LRMDA: variants seen among roughly 807,000 people sequenced by gnomAD.
LRMDA encodes the protein leucine rich melanocyte differentiation associated.
LRMDA carries 18 observed loss-of-function variants against 29.8 expected under a neutral mutation model. The ratio of observed to expected loss-of-function variants is 0.60; its 90% CI spans 0.42 to 0.90. The LOEUF (loss-of-function observed/expected upper bound fraction) is 0.90. LRMDA is among the 40% of genes least tolerant of loss of function. The pLI, the probability that LRMDA is intolerant of heterozygous loss-of-function variation, is 0.00. For missense variants in LRMDA, 273 were observed against 273.9 expected, an observed-to-expected ratio of 1.00 and a Z score of 0.02; for synonymous variants, 125 against 109.4, an observed-to-expected ratio of 1.14 and a Z score of -0.89.
intron 5 of LRMDA, among the ~76,000 whole-genome samples, chr10:76,149,552 C>T (rs78386245): frequency 0.016 from 2,451 of 152,242 alleles, 40 homozygotes; most frequent in Non-Finnish European, 0.025. Flanking sequence ...CCTCCATTTT[C>T]TCAGGTGATA....
chr10:75,472,325 G>A (rs1250241470), intron 2 of LRMDA, among the ~76,000 whole-genome samples: 1 of 152,104 alleles, frequency 6.6e-6, no homozygotes, highest in Non-Finnish European at 1.5e-5. Flanking sequence ...CCATTTATGC[G>A]CCCATTATGT....
intron 2 of LRMDA, among the ~76,000 whole-genome samples, chr10:75,569,007 G>T (rs748006152): frequency 1.3e-5 from 2 of 152,126 alleles, no homozygotes; most frequent in Non-Finnish European, 2.9e-5. Flanking sequence ...TGTGGGAAGG[G>T]TGCTGGGCTC....
At chr10:76,378,858 C>CTTTTTTTTTCTTT (rs1554817037) in intron 6 of LRMDA, among the ~76,000 whole-genome samples, 1 of 118,966 alleles carries the variant, frequency 8.4e-6, no homozygotes, top group African/African-American at 3.3e-5. Flanking sequence ...CTTTTTTTTT[C>CTTTTTTTTTCTTT]TTTTTTTTTT....
At chr10:75,598,500 G>C (rs1381033412) in intron 2 of LRMDA, among the ~76,000 whole-genome samples, 1 of 151,778 alleles carries the variant, frequency 6.6e-6, no homozygotes, top group African/African-American at 2.4e-5. Context: ...TTTTCTGAGA[G>C]AGCTGTCCAT....
chr10:75,861,969 T>TC (rs1844937806), intron 2 of LRMDA, among the ~76,000 whole-genome samples: 2 of 152,020 alleles, frequency 1.3e-5, no homozygotes, highest in African/African-American at 4.8e-5. Flanking sequence ...CCTCCAGCTA[T>TC]CCCCCCCAAG....
intron 6 of LRMDA, among the ~76,000 whole-genome samples, chr10:76,375,435 T>A (rs1841504885): frequency 6.6e-6 from 1 of 152,206 alleles, no homozygotes; most frequent in Admixed American, 6.5e-5. Context: ...TTCACAAGTT[T>A]GAATTACTTC....
At chr10:76,299,732 G>C (rs1398791238) in intron 5 of LRMDA, among the ~76,000 whole-genome samples, 1 of 151,650 alleles carries the variant, frequency 6.6e-6, no homozygotes, top group Non-Finnish European at 1.5e-5. Context: ...AGGAATCTTC[G>C]CAATCTGCTG....
Position 76,062,993 on chromosome 10 carries a change from C to T in LRMDA, c.516+4210C>T, listed in dbSNP as rs910651783. The stretch of plus-strand genomic sequence containing the variant: ...ACAGCAGAGAGACAGCTCAAAAATC[C>T]GACAGTCAGAATTGTTTAATTATGT... On this transcript the variant is annotated intron_variant, in intron 5 of 6. Coordinates refer to ENST00000611255, the MANE Select transcript of LRMDA (RefSeq NM_001305581.2). Among the ~76,000 whole-genome samples the T allele has an allele frequency of 3.3e-5, 5 of 152,176 alleles. No individual in the cohort carries two copies. The South Asian group carries it at 8.3e-4, about 25-fold the overall frequency.
chr10:76,484,150 G>T (rs573313639), intron 6 of LRMDA, among the ~76,000 whole-genome samples: 11 of 146,824 alleles, frequency 7.5e-5, no homozygotes, highest in Admixed American at 2.7e-4. Flanking sequence ...ACTTTTTCTT[G>T]TCCCATCCTC....
chr10:75,670,249 T>C (rs551256519), intron 2 of LRMDA, among the ~76,000 whole-genome samples: 2 of 152,332 alleles, frequency 1.3e-5, no homozygotes, highest in East Asian at 3.9e-4. Context: ...TAACTTGCAA[T>C]GTATGTTTAC....
chr10:76,001,774 G>T (rs1473124338), intron 2 of LRMDA, among the ~76,000 whole-genome samples: 1 of 152,098 alleles, frequency 6.6e-6, no homozygotes, highest in African/African-American at 2.4e-5. Flanking sequence ...TTGACGCTAT[G>T]CTTGTAGCTC....
intron 2 of LRMDA, among the ~76,000 whole-genome samples, chr10:75,618,604 A>G (rs1841140416): frequency 6.7e-6 from 1 of 149,222 alleles, no homozygotes; most frequent in Admixed American, 6.7e-5. Context: ...ATTAACATAA[A>G]CTTTGACTCA....
intron 5 of LRMDA, among the ~76,000 whole-genome samples, chr10:76,163,367 T>C (rs1850681435): frequency 6.6e-6 from 1 of 152,206 alleles, no homozygotes; most frequent in South Asian, 2.1e-4. Flanking sequence ...GATGGGACTT[T>C]TTTTATTAAT....
intron 2 of LRMDA, among the ~76,000 whole-genome samples, chr10:75,827,794 C>T (rs1407696725): frequency 3.3e-5 from 5 of 152,154 alleles, no homozygotes; most frequent in African/African-American, 9.7e-5. Context: ...TTTGCCAATT[C>T]GTAATTTTAT....
intron 5 of LRMDA, among the ~76,000 whole-genome samples, chr10:76,229,339 T>C (rs11001699): frequency 1.3e-5 from 2 of 151,948 alleles, no homozygotes; most frequent in African/African-American, 4.8e-5. Context: ...GAGAGAGTAG[T>C]GGGGGTCTGC....
At chr10:75,918,614 A>G (rs921996940) in intron 2 of LRMDA, among the ~76,000 whole-genome samples, 3 of 152,214 alleles carry the variant, frequency 2.0e-5, no homozygotes, top group Admixed American at 6.5e-5. Context: ...ATTACGATCC[A>G]ACATGAGATT....
At chr10:75,779,015 C>T (rs1053908794) in intron 2 of LRMDA, among the ~76,000 whole-genome samples, 2 of 152,182 alleles carry the variant, frequency 1.3e-5, no homozygotes, top group African/African-American at 4.8e-5. Context: ...ATCCTCCCAG[C>T]TAGCCTCTGG....
At chr10:75,827,172 G>C (rs989998868) in intron 2 of LRMDA, among the ~76,000 whole-genome samples, 1 of 152,176 alleles carries the variant, frequency 6.6e-6, no homozygotes, top group East Asian at 1.9e-4. Context: ...TGCGTGCTCA[G>C]GGGACTGCTT....
At chr10:76,348,840 G>A (rs1284003654) in intron 6 of LRMDA, among the ~76,000 whole-genome samples, 1 of 152,224 alleles carries the variant, frequency 6.6e-6, no homozygotes, top group South Asian at 2.1e-4. Flanking sequence ...GCAGCAAACT[G>A]TGACATTTGC....
Sources: gnomAD v4.1 joint callset for allele counts (sites outside exome capture counted in the v4.1 genomes callset) on GRCh38, gnomAD v4.1.1 for gene constraint, MANE v1.5 for transcripts, NCBI Gene and HGNC (gene_info 2026-07-23, HGNC 2026-07-21) for gene names.